Variants in MRLN observed in about 807,000 individuals in gnomAD.
The protein encoded by MRLN is Linc-RNA activator of myogenesis.
chr10:59,743,092 C>T (rs1322065492), intron 1 of MRLN, among the ~76,000 whole-genome samples: 1 of 152,004 alleles, frequency 6.6e-6, no homozygotes, highest in African/African-American at 2.4e-5. Context: ...AAATAAAAGA[C>T]CAGAGAGAAA....
At chr10:59,750,757 T>G (rs987093432) in intron 1 of MRLN, among the ~76,000 whole-genome samples, 1 of 152,252 alleles carries the variant, frequency 6.6e-6, no homozygotes, top group Non-Finnish European at 1.5e-5. Flanking sequence ...CCCGGAGCCC[T>G]GGCTGGGGAT....
At chr10:59,742,436 T>C (rs1192836949) in intron 1 of MRLN, among the ~76,000 whole-genome samples, 1 of 152,190 alleles carries the variant, frequency 6.6e-6, no homozygotes, top group African/African-American at 2.4e-5. Flanking sequence ...GGTATATATA[T>C]GGTTGGCAGT....
At chr10:59,747,370 G>A (rs1167914116) in intron 1 of MRLN, among the ~76,000 whole-genome samples, 3 of 152,214 alleles carry the variant, frequency 2.0e-5, no homozygotes, top group African/African-American at 7.2e-5. Context: ...CTGTGCCTCA[G>A]TTGGCACTTC....
chr10:59,751,698 C>A (rs944132987), intron 1 of MRLN, among the ~76,000 whole-genome samples: 2 of 146,634 alleles, frequency 1.4e-5, no homozygotes, highest in African/African-American at 2.5e-5. Flanking sequence ...AAAGTGATAC[C>A]CAAGGAGGAG....
chr10:59,745,335 G>A (rs2132592109), intron 1 of MRLN, among the ~76,000 whole-genome samples: 1 of 152,204 alleles, frequency 6.6e-6, no homozygotes, highest in Admixed American at 6.5e-5. Context: ...CTTACTGAAT[G>A]TGTTTATCTC....
intron 1 of MRLN, among the ~76,000 whole-genome samples, chr10:59,751,049 C>G (rs529014636): frequency 3.6e-4 from 55 of 152,300 alleles, no homozygotes; most frequent in African/African-American, 1.2e-3. Context: ...AAACTGCCTA[C>G]TTGGCCTGCA....
chr10:59,750,881 A>T (rs776553460), intron 1 of MRLN, among the ~76,000 whole-genome samples: 10 of 152,222 alleles, frequency 6.6e-5, no homozygotes, highest in Admixed American at 1.3e-4. Context: ...CGGGTGCAGG[A>T]TGCAGAAATG....
At chr10:59,738,998 C>A (rs1840952715) in intron 1 of MRLN, 1 of 152,128 alleles carries the variant, frequency 6.6e-6, no homozygotes, top group Non-Finnish European at 1.5e-5. Context: ...TGGTGCTCAC[C>A]TGTAATCCCA....
intron 1 of MRLN, 74 bp from the exon 2 acceptor site, chr10:59,738,636 A>T (rs1840948728): frequency 6.6e-6 from 1 of 152,220 alleles, no homozygotes; most frequent in African/African-American, 2.4e-5. Context: ...GGGAGCCTAC[A>T]CAGAAAAACT....
chr10:59,745,052 G>A (rs1841029039), intron 1 of MRLN, among the ~76,000 whole-genome samples: 1 of 151,538 alleles, frequency 6.6e-6, no homozygotes, highest in Non-Finnish European at 1.5e-5. Flanking sequence ...CTCCACTATT[G>A]TCCTATGACC....
rs1335633549 is a variant in MRLN at position 59,740,300 on chromosome 10, T to TC, written c.-124-1739_-124-1738insG. Among the ~76,000 whole-genome samples the TC allele has an allele frequency of 6.7e-5, 9 of 134,106 alleles. No individual in the cohort carries two copies. The South Asian group carries it at 2.0e-3, about 29-fold the overall frequency. 88.0% of individuals were successfully genotyped at this position (134,106 alleles called of 152,430 possible). On this transcript the variant is annotated intron_variant, in intron 1 of 2. Transcript: ENST00000414264. Reference sequence around the variant, plus strand: ...CTTGATAATGATAAAAAATGACTGTTAATAGTTGTATTGACTATACTATAC... The same window carrying TC: ...CTTGATAATGATAAAAAATGACTGTTCAATAGTTGTATTGACTATACTATAC...
At chr10:59,745,493 C>CA (rs1564726629) in intron 1 of MRLN, among the ~76,000 whole-genome samples, 2 of 117,356 alleles carry the variant, frequency 1.7e-5, no homozygotes, top group Non-Finnish European at 3.5e-5. Context: ...TTCCCCCCCC[C>CA]ACCCCCCACC....
intron 1 of MRLN, chr10:59,738,973 A>T (rs1840952152): frequency 6.6e-6 from 1 of 152,170 alleles, no homozygotes; most frequent in Non-Finnish European, 1.5e-5. Flanking sequence ...TACAAAAAAA[A>T]TTAGCCGGGC....
chr10:59,744,386 C>T (rs1177560518), intron 1 of MRLN: 1 of 152,110 alleles, frequency 6.6e-6, no homozygotes, highest in East Asian at 2.0e-4. Context: ...TGTCTCTGAC[C>T]AGCTGCTCCG....
intron 1 of MRLN, among the ~76,000 whole-genome samples, chr10:59,743,007 G>A (rs983547468): frequency 1.3e-5 from 2 of 152,206 alleles, no homozygotes; most frequent in Non-Finnish European, 2.9e-5. Context: ...TGGGATTACA[G>A]ACATGAGCCA....
At chr10:59,741,375 T>C (rs1275461068) in intron 1 of MRLN, among the ~76,000 whole-genome samples, 1 of 152,128 alleles carries the variant, frequency 6.6e-6, no homozygotes, top group Non-Finnish European at 1.5e-5. Context: ...TTTTATTTAC[T>C]TTCTTATTTT....
intron 1 of MRLN, among the ~76,000 whole-genome samples, chr10:59,750,923 C>T (rs1292873726): frequency 6.6e-5 from 10 of 152,204 alleles, no homozygotes; most frequent in Non-Finnish European, 4.4e-5. Flanking sequence ...GTTTTTTGAC[C>T]TGCAGAACTC....
At chr10:59,752,694 C>T (rs147873984) in intron 1 of MRLN, among the ~76,000 whole-genome samples, 161 of 152,324 alleles carry the variant, frequency 1.1e-3, no homozygotes, top group African/African-American at 3.4e-3. Flanking sequence ...GAGAACCAAG[C>T]GGGGCATTGG....
intron 1 of MRLN, among the ~76,000 whole-genome samples, chr10:59,751,866 C>T (rs1841106811): frequency 6.6e-6 from 1 of 152,052 alleles, no homozygotes; most frequent in Non-Finnish European, 1.5e-5. Flanking sequence ...TACAGAGCAA[C>T]ACTTTGGAAA....
Sources: allele counts gnomAD v4.1 joint callset (sites outside exome capture counted in the v4.1 genomes callset), GRCh38; gene constraint gnomAD v4.1.1; transcripts MANE v1.5; gene names NCBI Gene and HGNC (gene_info 2026-07-23, HGNC 2026-07-21).